Variants in NAALADL2 observed in about 807,000 individuals in gnomAD.
NAALADL2 encodes the protein inactive N-acetylated-alpha-linked acidic dipeptidase-like protein 2.
A neutral mutation model predicts 87.2 loss-of-function variants in NAALADL2; 76 were observed. The ratio of observed to expected loss-of-function variants is 0.87; its 90% confidence interval spans 0.72 to 1.05. The LOEUF is 1.05. Among genes scored for constraint, NAALADL2 ranks in the 50% least tolerant of loss-of-function variants. The pLI is 0.00. For synonymous variants in NAALADL2, 354 were observed against 331.0 expected, an observed-to-expected ratio of 1.07 and a Z score of -0.75; for missense variants, 1,089 against 945.8, an observed-to-expected ratio of 1.15 and a Z score of -1.99.
chr3:175,241,699 G>A (rs1003494336), intron 3 of NAALADL2, among the ~76,000 whole-genome samples: 1 of 151,998 alleles, frequency 6.6e-6, no homozygotes, highest in East Asian at 1.9e-4. Context: ...TTTTCTACCC[G>A]TGAAAGAGAA....
At chr3:174,934,418 T>C (rs1190453825) in intron 1 of NAALADL2, among the ~76,000 whole-genome samples, 2 of 152,226 alleles carry the variant, frequency 1.3e-5, no homozygotes, top group African/African-American at 4.8e-5. Flanking sequence ...ATTTCACAGC[T>C]GTTTTCAGTT....
intron 2 of NAALADL2, among the ~76,000 whole-genome samples, chr3:175,223,104 G>C (rs915883685): frequency 6.8e-6 from 1 of 147,920 alleles, no homozygotes; most frequent in Admixed American, 6.7e-5. Flanking sequence ...CTGTGTGTGT[G>C]TGTGTGTGTG....
At chr3:174,958,366 C>G (rs2108542876) in intron 1 of NAALADL2, among the ~76,000 whole-genome samples, 1 of 151,776 alleles carries the variant, frequency 6.6e-6, no homozygotes, top group South Asian at 2.1e-4. Context: ...GGCTTTGTCT[C>G]CAAGTGGAAA....
chr3:174,770,946 A>G (rs1400564221), intron 3 of NAALADL2, among the ~76,000 whole-genome samples: 2 of 152,280 alleles, frequency 1.3e-5, no homozygotes, highest in East Asian at 3.9e-4. Context: ...TCCTTTTGTC[A>G]CAATTTTCCA....
At chr3:174,558,085 A>G (rs2108505713) in intron 2 of NAALADL2, among the ~76,000 whole-genome samples, 1 of 152,312 alleles carries the variant, frequency 6.6e-6, no homozygotes, top group South Asian at 2.1e-4. Context: ...TATATTGTTT[A>G]TGCAATCAGT....
chr3:175,153,249 A>C (rs1731815325), intron 2 of NAALADL2, among the ~76,000 whole-genome samples: 1 of 152,142 alleles, frequency 6.6e-6, no homozygotes, highest in Admixed American at 6.6e-5. Flanking sequence ...GGAGAGATAA[A>C]AGCCTGCTCC....
chr3:174,921,600 G>A (rs1442221389), intron 1 of NAALADL2, among the ~76,000 whole-genome samples: 1 of 151,988 alleles, frequency 6.6e-6, no homozygotes, highest in East Asian at 1.9e-4. Flanking sequence ...AGGAGATCGA[G>A]ACCATCCTGG....
At chr3:175,005,612 GAGA>G (rs1748903682) in intron 1 of NAALADL2, among the ~76,000 whole-genome samples, 1 of 152,178 alleles carries the variant, frequency 6.6e-6, no homozygotes, top group Non-Finnish European at 1.5e-5. Flanking sequence ...GGGCATAGAA[GAGA>G]AGAAGAGAAA....
chr3:175,571,328 T>C (rs1022853708), intron 9 of NAALADL2, among the ~76,000 whole-genome samples: 2 of 152,184 alleles, frequency 1.3e-5, no homozygotes, highest in Non-Finnish European at 2.9e-5. Flanking sequence ...GCCCCTGTTA[T>C]GAACTGGAAT....
intron 1 of NAALADL2, chr3:174,536,484 G>A (rs762783976): frequency 1.3e-5 from 2 of 152,136 alleles, no homozygotes; most frequent in Non-Finnish European, 2.9e-5. Context: ...TCTGTAAGAA[G>A]CAACTGTCGT....
At chr3:175,741,895 T>C (rs940066670) in intron 12 of NAALADL2, among the ~76,000 whole-genome samples, 16 of 152,174 alleles carry the variant, frequency 1.1e-4, no homozygotes, top group Non-Finnish European at 2.1e-4. Flanking sequence ...ACCCATGACA[T>C]GGACTCAGAC....
At chr3:175,660,416 G>A (rs557971628) in intron 11 of NAALADL2, among the ~76,000 whole-genome samples, 1 of 152,088 alleles carries the variant, frequency 6.6e-6, no homozygotes, top group Admixed American at 6.6e-5. Flanking sequence ...GGGAATACAC[G>A]TGATGTTTTG....
chr3:175,712,933 T>C (rs757781964), intron 11 of NAALADL2, among the ~76,000 whole-genome samples: 3 of 152,076 alleles, frequency 2.0e-5, no homozygotes, highest in Admixed American at 2.0e-4. Flanking sequence ...GGGGGTTAGA[T>C]TGCTTTTGCA....
At chr3:175,444,743 C>T (rs760268402) in intron 5 of NAALADL2, among the ~76,000 whole-genome samples, 11 of 152,164 alleles carry the variant, frequency 7.2e-5, no homozygotes, top group South Asian at 2.1e-4. Flanking sequence ...TAATGACCTA[C>T]GCTGTGGTCC....
chr3:174,793,255 C>T (rs183602621), intron 3 of NAALADL2, among the ~76,000 whole-genome samples: 2 of 152,094 alleles, frequency 1.3e-5, no homozygotes, highest in Admixed American at 1.3e-4. Context: ...TAAATACTCT[C>T]TATTGGGGTT....
intron 3 of NAALADL2, among the ~76,000 whole-genome samples, chr3:174,850,406 A>G (rs1049189323): frequency 6.6e-6 from 1 of 152,182 alleles, no homozygotes; most frequent in African/African-American, 2.4e-5. Flanking sequence ...AAGACACACT[A>G]AACTGAAAAT....
chr3:175,533,326 G>A (rs1230503399), intron 9 of NAALADL2, among the ~76,000 whole-genome samples: 1 of 152,176 alleles, frequency 6.6e-6, no homozygotes, highest in Non-Finnish European at 1.5e-5. Flanking sequence ...TTGCCCCTAG[G>A]GGCCCACTGG....
intron 3 of NAALADL2, among the ~76,000 whole-genome samples, chr3:174,821,622 G>A (rs1258338926): frequency 6.6e-6 from 1 of 152,104 alleles, no homozygotes; most frequent in African/African-American, 2.4e-5. Context: ...GGAGATTTGG[G>A]CAATTACACA....
At chr3:175,250,919 A>C (rs1209123726) in intron 3 of NAALADL2, among the ~76,000 whole-genome samples, 2 of 152,174 alleles carry the variant, frequency 1.3e-5, no homozygotes, top group African/African-American at 2.4e-5. Context: ...CCCTGTTAGC[A>C]TGCCGTTGAT....
Sources: gnomAD v4.1 joint callset for allele counts (sites outside exome capture counted in the v4.1 genomes callset) on GRCh38, gnomAD v4.1.1 for gene constraint, MANE v1.5 for transcripts, NCBI Gene and HGNC (gene_info 2026-07-23, HGNC 2026-07-21) for gene names.